COL4A3: variants seen among roughly 807,000 people sequenced by gnomAD.
COL4A3 encodes the protein collagen alpha-3(IV) chain.
Under a neutral mutation model 217.4 loss-of-function variants are expected in COL4A3, and 135 were observed. The ratio of observed to expected loss-of-function variants is 0.62; its 90% CI spans 0.54 to 0.72. The LOEUF is 0.72. Among genes scored for constraint, COL4A3 ranks in the 30% least tolerant of loss-of-function variants. The pLI, the probability that COL4A3 is intolerant of heterozygous loss-of-function variation, is 0.00. For missense variants in COL4A3, 1,868 were observed against 2,119.9 expected (o/e 0.88, Z 2.33); for synonymous variants, 690 against 736.3 (o/e 0.94, Z 1.02).
chr2:227,292,123 T>C (rs2106220613), intron 37 of COL4A3, among the ~76,000 whole-genome samples: 2 of 152,344 alleles, frequency 1.3e-5, no homozygotes, highest in East Asian at 3.9e-4. Flanking sequence ...AGTATATGTA[T>C]GACTCCAATA....
chr2:227,292,951 CT>C (rs2106224768), intron 37 of COL4A3, among the ~76,000 whole-genome samples: 1 of 152,296 alleles, frequency 6.6e-6, no homozygotes, highest in Admixed American at 6.5e-5. Flanking sequence ...TGACGCTATG[CT>C]GTTGCTGTCT....
intron 50 of COL4A3, 145 bp downstream of exon 50, chr2:227,309,463 AACAG>A (rs1162619810): frequency 3.2e-6 from 1 of 317,262 alleles, no homozygotes; most frequent in Non-Finnish European, 6.2e-6. Flanking sequence ...AAAATCTACA[AACAG>A]ACTTTTTTTT....
In COL4A3 at chr2:227,263,763, T is replaced by C; in HGVS notation, c.1151-17T>C. The C allele has an allele frequency of 6.2e-7, 1 of 1,608,974 alleles. No homozygotes were observed. Among genetic ancestry groups the C allele is most frequent in the South Asian group, 1.1e-5 (1 of 90,486 alleles). On this transcript the variant is annotated splice_polypyrimidine_tract_variant and intron_variant, in intron 20 of 51. Coordinates refer to ENST00000396578, the MANE Select transcript of COL4A3 (RefSeq NM_000091.5). ...AGGAAAAAATGTAAAATACAAGAAA[T>C]GATTATTTTCTCCAAGGATCATCAA...
intron 34 of COL4A3, among the ~76,000 whole-genome samples, chr2:227,286,623 G>A (rs1345658030): frequency 6.6e-6 from 1 of 152,214 alleles, no homozygotes; most frequent in Non-Finnish European, 1.5e-5. Flanking sequence ...GCAGAGATGG[G>A]CCTCACTCTT....
chr2:227,282,066 G>T lies in COL4A3; in HGVS notation c.2489-299G>T, dbSNP rs141423662. ...GTGGGCGGATCATTTGAGGTCAGGAGTTTGAGACCAGCCTGGCCAACATGG... is the reference window on the plus strand; with the variant it reads ...GTGGGCGGATCATTTGAGGTCAGGATTTTGAGACCAGCCTGGCCAACATGG... On this transcript the variant is annotated intron_variant, in intron 31 of 51. Transcript: ENST00000396578. The surrounding 1 kb of genome is among the most constrained non-coding windows in gnomAD (Gnocchi z 4.4). Among the ~76,000 whole-genome samples, 4,035 of 152,168 alleles carry T rather than the reference G, an allele frequency of 0.027. 146 individuals carry two copies. Among genetic ancestry groups the T allele is most frequent in the East Asian group, 0.14 (700 of 5,174 alleles).
At chr2:227,200,253 T>G (rs1320409058) in intron 1 of COL4A3, among the ~76,000 whole-genome samples, 1 of 151,706 alleles carries the variant, frequency 6.6e-6, no homozygotes, top group Non-Finnish European at 1.5e-5. Context: ...CTTTTTTCCT[T>G]TAATCTACAC....
At chr2:227,190,941 A>T (rs555946637) in intron 1 of COL4A3, among the ~76,000 whole-genome samples, 1 of 152,314 alleles carries the variant, frequency 6.6e-6, no homozygotes, top group South Asian at 2.1e-4. Flanking sequence ...AGTTAAAAGG[A>T]AAAAAGCAAA....
chr2:227,228,107 C>T (rs1172362308), intron 1 of COL4A3, among the ~76,000 whole-genome samples: 1 of 152,186 alleles, frequency 6.6e-6, no homozygotes, highest in East Asian at 1.9e-4. Context: ...GGGTGGCTGG[C>T]TTACATGTCT....
intron 1 of COL4A3, chr2:227,222,653 G>A (rs1482511255): frequency 6.6e-6 from 1 of 152,232 alleles, no homozygotes; most frequent in Non-Finnish European, 1.5e-5. Flanking sequence ...CTTGCGGGTT[G>A]AGGGAGGTAG....
chr2:227,283,340 A>C (rs1035850608), intron 32 of COL4A3, among the ~76,000 whole-genome samples: 1 of 152,216 alleles, frequency 6.6e-6, no homozygotes, highest in Non-Finnish European at 1.5e-5. Flanking sequence ...ACATGCCAGC[A>C]TTCTTCTAGG....
chr2:227,202,428 G>T (rs1488164288), intron 1 of COL4A3, among the ~76,000 whole-genome samples: 1 of 152,044 alleles, frequency 6.6e-6, no homozygotes, highest in African/African-American at 2.4e-5. Flanking sequence ...TGATAATGCT[G>T]GTATGCGGGT....
chr2:227,274,271 A>AAATAAATAAATT (rs1397286605), intron 26 of COL4A3, among the ~76,000 whole-genome samples: 49 of 148,862 alleles, frequency 3.3e-4, no homozygotes, highest in African/African-American at 1.3e-3. Context: ...ATAAATAAAT[A>AAATAAATAAATT]AATTTTAAAA....
At chr2:227,240,340 T>C in intron 3 of COL4A3, 108 bp downstream of exon 3, 3 of 1,053,178 alleles carry the variant, frequency 2.8e-6, no homozygotes, top group Non-Finnish European at 4.3e-6. Flanking sequence ...AGCCAACTGC[T>C]AGGTGCATGG....
chr2:227,210,071 A>G (rs988210318), intron 1 of COL4A3, among the ~76,000 whole-genome samples: 1 of 152,238 alleles, frequency 6.6e-6, no homozygotes, highest in African/African-American at 2.4e-5. Context: ...TAAAGTTCTT[A>G]ATACAGTGCC....
chr2:227,261,322 C>T (rs1257172491), intron 20 of COL4A3, among the ~76,000 whole-genome samples: 3 of 152,086 alleles, frequency 2.0e-5, no homozygotes, highest in Admixed American at 2.0e-4. Flanking sequence ...GTCAGGAGTT[C>T]GAGACCAGCC....
In COL4A3 at chr2:227,313,335, G is replaced by C. The variant is rs998923754; in HGVS notation, c.*1465G>C. On this transcript the variant is annotated 3_prime_UTR_variant, in exon 52 of 52. Transcript: ENST00000396578. ...AGGCCCAAGTAAAGGTTAAAAATAAGGTCTATGCCTAGGGAAACTCAGGGC... is the reference window on the plus strand; with the variant it reads ...AGGCCCAAGTAAAGGTTAAAAATAACGTCTATGCCTAGGGAAACTCAGGGC... 3.9e-5 allele frequency: 6 copies of C among 152,656 alleles called. No homozygotes were observed. Among genetic ancestry groups the C allele is most frequent in the African/African-American group, 1.4e-4 (6 of 41,524 alleles). The allele number at this position is 152,656 out of a possible 1,614,324, so 9.5% of individuals were successfully genotyped here.
chr2:227,307,964 G>A, intron 48 of COL4A3, 45 bp downstream of exon 48: 1 of 1,549,854 alleles, frequency 6.5e-7, no homozygotes, highest in Non-Finnish European at 8.9e-7. Flanking sequence ...TCCACATGCA[G>A]ATTGTAAATC....
chr2:227,277,662 A>G, intron 28 of COL4A3, 109 bp downstream of exon 28: 1 of 702,230 alleles, frequency 1.4e-6, no homozygotes, highest in Admixed American at 2.5e-5. Flanking sequence ...AATAGGATAT[A>G]AGATATAAAA....
chr2:227,304,221 G>A, intron 46 of COL4A3, 77 bp downstream of exon 46: 1 of 1,569,176 alleles, frequency 6.4e-7, no homozygotes. Flanking sequence ...TTTGGAAACA[G>A]CTGATACAAC....
Sources: allele counts gnomAD v4.1 joint callset (sites outside exome capture counted in the v4.1 genomes callset), GRCh38; gene constraint gnomAD v4.1.1; non-coding constraint Gnocchi (gnomAD v3.1); transcripts MANE v1.5; gene names NCBI Gene and HGNC (gene_info 2026-07-23, HGNC 2026-07-21).